The following WDR70 variants were observed in gnomAD, a reference collection of about 807,000 sequenced individuals.
The protein encoded by WDR70 is WD repeat domain 70.
WDR70 carries 53 observed loss-of-function variants against 88.6 expected under a neutral mutation model. The ratio of observed to expected loss-of-function variants is 0.60; its 90% confidence interval spans 0.48 to 0.75. The LOEUF is 0.75. Among genes scored for constraint, WDR70 ranks in the 30% least tolerant of loss-of-function variants. The pLI is 0.00. For missense variants in WDR70, 610 were observed against 823.2 expected, an observed-to-expected ratio of 0.74 and a Z score of 3.17; for synonymous variants, 280 against 270.0, an observed-to-expected ratio of 1.04 and a Z score of -0.36.
intron 17 of WDR70, among the ~76,000 whole-genome samples, chr5:37,740,584 TGA>T (rs1270010952): frequency 6.6e-6 from 1 of 152,180 alleles, no homozygotes; most frequent in Non-Finnish European, 1.5e-5. Context: ...TGGATTGGAA[TGA>T]GAGAAAATTC....
intron 10 of WDR70, among the ~76,000 whole-genome samples, chr5:37,625,831 C>T (rs1434902816): frequency 6.6e-6 from 1 of 151,962 alleles, no homozygotes; most frequent in East Asian, 1.9e-4. Flanking sequence ...TCCCAGCCTG[C>T]CCATATTTTA....
At chr5:37,462,935 T>C (rs971991471) in intron 7 of WDR70, among the ~76,000 whole-genome samples, 1 of 152,164 alleles carries the variant, frequency 6.6e-6, no homozygotes, top group African/African-American at 2.4e-5. Flanking sequence ...GGAGCATCTC[T>C]GTATAGTGTT....
chr5:37,429,418 C>G (rs566576220), intron 5 of WDR70, among the ~76,000 whole-genome samples: 2 of 151,448 alleles, frequency 1.3e-5, no homozygotes, highest in Non-Finnish European at 2.9e-5. Flanking sequence ...AGAAATCTTT[C>G]CTTACCAATG....
At chr5:37,625,878 A>G (rs1249434612) in intron 10 of WDR70, among the ~76,000 whole-genome samples, 3 of 151,902 alleles carry the variant, frequency 2.0e-5, no homozygotes, top group Non-Finnish European at 4.4e-5. Context: ...TGTTCTTTGT[A>G]TATTCTGGAT....
At position 37,699,594 on chromosome 5, in the gene WDR70, A is replaced by T. The variant is rs576201866; in HGVS notation, c.1193-1464A>T. Among the ~76,000 whole-genome samples the T allele has an allele frequency of 2.6e-5, 4 of 152,202 alleles. No individual in the cohort carries two copies. The South Asian group carries it at 8.3e-4, about 32-fold the overall frequency. On this transcript the variant is annotated intron_variant, in intron 11 of 17. Coordinates refer to ENST00000265107, the MANE Select transcript of WDR70 (RefSeq NM_018034.4). ...ATAACCCGCTGGATTAGATGGAATT[A>T]ATACAGGTTAATGTTTTCTTATTGT...
chr5:37,397,860 G>A (rs1439519704), intron 5 of WDR70, among the ~76,000 whole-genome samples: 2 of 151,794 alleles, frequency 1.3e-5, no homozygotes, highest in Non-Finnish European at 1.5e-5. Flanking sequence ...AGGCGTAATC[G>A]TGGCGCACGC....
intron 10 of WDR70, among the ~76,000 whole-genome samples, chr5:37,642,314 A>G (rs1195904552): frequency 2.0e-5 from 3 of 152,014 alleles, no homozygotes; most frequent in Non-Finnish European, 4.4e-5. Context: ...CCATCTCTTC[A>G]TCTTCTTATT....
chr5:37,749,577 T>C (rs1748741140), intron 17 of WDR70, among the ~76,000 whole-genome samples: 2 of 152,086 alleles, frequency 1.3e-5, no homozygotes, highest in Admixed American at 6.5e-5. Context: ...AAAAATATTA[T>C]GCATACGTAT....
chr5:37,504,826 G>A (rs1740511811), intron 8 of WDR70, among the ~76,000 whole-genome samples: 1 of 152,300 alleles, frequency 6.6e-6, no homozygotes, highest in African/African-American at 2.4e-5. Context: ...ATGTTGATGA[G>A]TCTGTAGAAT....
At chr5:37,481,192 A>G (rs933292012) in intron 8 of WDR70, among the ~76,000 whole-genome samples, 5 of 152,132 alleles carry the variant, frequency 3.3e-5, no homozygotes, top group Non-Finnish European at 5.9e-5. Context: ...CAGTCAGTGG[A>G]TCTACCATTC....
chr5:37,719,977 G>A (rs1222975088), intron 13 of WDR70, among the ~76,000 whole-genome samples: 7 of 151,820 alleles, frequency 4.6e-5, no homozygotes, highest in South Asian at 4.2e-4. Flanking sequence ...TGAGTAGCTC[G>A]GACTACAGGC....
At chr5:37,576,775 T>C (rs1743068465) in intron 9 of WDR70, among the ~76,000 whole-genome samples, 1 of 152,074 alleles carries the variant, frequency 6.6e-6, no homozygotes, top group Non-Finnish European at 1.5e-5. Context: ...TTTTTTTTTT[T>C]TTTCCTGTGG....
chr5:37,444,887 T>C (rs1738409193), intron 7 of WDR70, among the ~76,000 whole-genome samples: 10 of 152,112 alleles, frequency 6.6e-5, no homozygotes, highest in Admixed American at 6.6e-4. Context: ...AACCTAGAGA[T>C]CCCTCACATG....
At chr5:37,745,607 A>C (rs2112740241) in intron 17 of WDR70, among the ~76,000 whole-genome samples, 1 of 152,060 alleles carries the variant, frequency 6.6e-6, no homozygotes, top group South Asian at 2.1e-4. Context: ...TGGAAAGCAA[A>C]AAAAAAATGG....
chr5:37,605,589 G>A (rs1744013056), intron 10 of WDR70, among the ~76,000 whole-genome samples: 1 of 152,032 alleles, frequency 6.6e-6, no homozygotes, highest in Non-Finnish European at 1.5e-5. Flanking sequence ...ACTAAGCAGA[G>A]AACTAGAAAA....
At chr5:37,609,107 T>G (rs941357564) in intron 10 of WDR70, among the ~76,000 whole-genome samples, 2 of 152,252 alleles carry the variant, frequency 1.3e-5, no homozygotes, top group Non-Finnish European at 2.9e-5. Context: ...ATCCTAGTTA[T>G]GTGAATACAC....
At chr5:37,466,212 CT>C (rs2112119437) in intron 7 of WDR70, among the ~76,000 whole-genome samples, 1 of 152,234 alleles carries the variant, frequency 6.6e-6, no homozygotes, top group African/African-American at 2.4e-5. Flanking sequence ...ACTTTTATAG[CT>C]TTCATTAGGT....
intron 17 of WDR70, among the ~76,000 whole-genome samples, chr5:37,750,965 G>A (rs950496575): frequency 2.0e-5 from 3 of 152,176 alleles, no homozygotes; most frequent in East Asian, 3.9e-4. Flanking sequence ...TTATATACAA[G>A]AAACTAGCAT....
chr5:37,564,109 C>G (rs1239840348), intron 9 of WDR70, among the ~76,000 whole-genome samples: 1 of 150,558 alleles, frequency 6.6e-6, no homozygotes, highest in South Asian at 2.2e-4. Flanking sequence ...ACGCTCCTCA[C>G]TTCCCAGACG....
Sources: allele counts gnomAD v4.1 joint callset (sites outside exome capture counted in the v4.1 genomes callset), GRCh38; gene constraint gnomAD v4.1.1; transcripts MANE v1.5; gene names NCBI Gene and HGNC (gene_info 2026-07-23, HGNC 2026-07-21).